The following ANKS1B variants were observed in gnomAD, a reference collection of about 807,000 sequenced individuals.
The protein encoded by ANKS1B is ankyrin repeat and sterile alpha motif domain-containing protein 1B.
Under a neutral mutation model 148.3 loss-of-function variants are expected in ANKS1B, and 36 were observed. The observed-to-expected ratio is 0.24, with a 90% confidence interval of 0.19 to 0.32. ANKS1B has a LOEUF of 0.32. ANKS1B is among the 10% of genes least tolerant of loss of function. The probability of loss-of-function intolerance (pLI) is 1.00; values close to 1 mark genes in which losing one functional copy is unlikely to be tolerated. For synonymous variants in ANKS1B, 542 were observed against 560.8 expected, an observed-to-expected ratio of 0.97 and a Z score of 0.47; for missense variants, 1,157 against 1,542.6, an observed-to-expected ratio of 0.75 and a Z score of 4.19.
chr12:99,048,618 T>C (rs1044677235), intron 17 of ANKS1B: 6 of 152,634 alleles, frequency 3.9e-5, no homozygotes, highest in African/African-American at 1.4e-4. Flanking sequence ...GTATAATAAG[T>C]GTGGACATGC....
chr12:99,690,873 CT>C (rs2098675577), intron 8 of ANKS1B, among the ~76,000 whole-genome samples: 1 of 152,220 alleles, frequency 6.6e-6, no homozygotes, highest in African/African-American at 2.4e-5. Flanking sequence ...TGTGTGGAGG[CT>C]TCAACCCCAC....
At chr12:99,015,059 C>T (rs527424298) in intron 17 of ANKS1B, among the ~76,000 whole-genome samples, 23 of 152,266 alleles carry the variant, frequency 1.5e-4, no homozygotes, top group African/African-American at 4.3e-4. Context: ...TATAAAGACA[C>T]GTGCACGTTG....
At chr12:99,354,031 C>G (rs763641672) in intron 12 of ANKS1B, among the ~76,000 whole-genome samples, 5 of 152,038 alleles carry the variant, frequency 3.3e-5, no homozygotes, top group Non-Finnish European at 7.4e-5. Context: ...TATTGGCACA[C>G]TGGGTTCTCT....
At chr12:99,560,518 G>A (rs951640526) in intron 9 of ANKS1B, among the ~76,000 whole-genome samples, 2 of 152,054 alleles carry the variant, frequency 1.3e-5, no homozygotes, top group African/African-American at 4.8e-5. Flanking sequence ...CTTGGAGATT[G>A]TGATTTTGAT....
chr12:99,052,051 C>G (rs1371032374), intron 17 of ANKS1B, among the ~76,000 whole-genome samples: 8 of 152,164 alleles, frequency 5.3e-5, no homozygotes, highest in African/African-American at 1.9e-4. Flanking sequence ...TAAAACTATT[C>G]TTTAAAAACC....
At chr12:99,900,505 CAAAAAAAAAA>C (rs71303560) in intron 1 of ANKS1B, among the ~76,000 whole-genome samples, 17 of 70,726 alleles carry the variant, frequency 2.4e-4, no homozygotes, top group African/African-American at 5.9e-4. Context: ...GACTCCATCT[CAAAAAAAAAA>C]AAAAAAAAAA....
intron 8 of ANKS1B, among the ~76,000 whole-genome samples, chr12:99,691,911 A>T (rs574435278): frequency 6.6e-6 from 1 of 152,342 alleles, no homozygotes; most frequent in East Asian, 1.9e-4. Flanking sequence ...AATCTGTTAC[A>T]CAGCAATAGA....
chr12:99,573,598 T>C (rs1049341728), intron 9 of ANKS1B, among the ~76,000 whole-genome samples: 4 of 152,076 alleles, frequency 2.6e-5, no homozygotes, highest in African/African-American at 9.7e-5. Flanking sequence ...CTTAACATGG[T>C]TGGGGGAAAA....
chr12:99,706,135 G>A (rs2055725515), intron 8 of ANKS1B, among the ~76,000 whole-genome samples: 1 of 151,978 alleles, frequency 6.6e-6, no homozygotes, highest in African/African-American at 2.4e-5. Flanking sequence ...GCTTGTGTGG[G>A]GTACTGTTAT....
chr12:99,833,046 T>C (rs540051148), intron 1 of ANKS1B, among the ~76,000 whole-genome samples: 26 of 152,318 alleles, frequency 1.7e-4, no homozygotes, highest in South Asian at 8.3e-4. Context: ...ACTATTCCCA[T>C]TGTATAGATG....
intron 9 of ANKS1B, among the ~76,000 whole-genome samples, chr12:99,562,256 AT>A (rs949476356): frequency 6.6e-6 from 1 of 152,072 alleles, no homozygotes; most frequent in Non-Finnish European, 1.5e-5. Flanking sequence ...AGCAAAATCA[AT>A]TTTGCATAGT....
intron 17 of ANKS1B, among the ~76,000 whole-genome samples, chr12:99,047,436 A>C (rs2099963238): frequency 6.6e-6 from 1 of 152,178 alleles, no homozygotes; most frequent in East Asian, 1.9e-4. Flanking sequence ...ATGACTAAAA[A>C]ATTTCCAAAG....
At chr12:98,807,416 C>A (rs2099059011) in intron 20 of ANKS1B, among the ~76,000 whole-genome samples, 1 of 152,060 alleles carries the variant, frequency 6.6e-6, no homozygotes, top group Admixed American at 6.5e-5. Flanking sequence ...AAGTGAAGCA[C>A]ATGAATCTTT....
At chr12:99,532,174 T>C (rs1278972465) in intron 9 of ANKS1B, among the ~76,000 whole-genome samples, 1 of 152,230 alleles carries the variant, frequency 6.6e-6, no homozygotes, top group Non-Finnish European at 1.5e-5. Context: ...ATTATTTCTT[T>C]TGCAGTGCAG....
intron 9 of ANKS1B, among the ~76,000 whole-genome samples, chr12:99,654,056 T>C (rs1013928591): frequency 2.0e-5 from 3 of 152,166 alleles, no homozygotes; most frequent in Non-Finnish European, 4.4e-5. Flanking sequence ...CACAGTTTAG[T>C]ATGTATTTAC....
intron 14 of ANKS1B, among the ~76,000 whole-genome samples, chr12:99,200,354 C>T (rs139322395): frequency 2.6e-4 from 39 of 152,266 alleles, no homozygotes; most frequent in Admixed American, 2.1e-3. Flanking sequence ...GGTTAATTAG[C>T]GCATTTTGCA....
chr12:99,895,631 G>A (rs1339757959), intron 1 of ANKS1B, among the ~76,000 whole-genome samples: 1 of 149,986 alleles, frequency 6.7e-6, no homozygotes, highest in Non-Finnish European at 1.5e-5. Context: ...TGAAGAACAT[G>A]ACTTTCTGGA....
intron 15 of ANKS1B, among the ~76,000 whole-genome samples, chr12:99,147,979 C>T (rs2073739683): frequency 6.6e-6 from 1 of 152,006 alleles, no homozygotes; most frequent in African/African-American, 2.4e-5. Flanking sequence ...AGAGCAATTT[C>T]AGCAGAAAAG....
At chr12:99,544,972 C>T (rs1249747193) in intron 9 of ANKS1B, among the ~76,000 whole-genome samples, 3 of 152,096 alleles carry the variant, frequency 2.0e-5, no homozygotes, top group Non-Finnish European at 2.9e-5. Flanking sequence ...TGAGCCCTGG[C>T]TACATTATCT....
Sources: allele counts gnomAD v4.1 joint callset (sites outside exome capture counted in the v4.1 genomes callset), GRCh38; gene constraint gnomAD v4.1.1; transcripts MANE v1.5; gene names NCBI Gene and HGNC (gene_info 2026-07-23, HGNC 2026-07-21).